Variants in GNS observed in about 807,000 individuals in gnomAD.
GNS encodes the protein glucosamine (N-acetyl)-6-sulfatase, also known as N-acetylglucosamine-6-sulfatase.
Under a neutral mutation model 69.7 loss-of-function variants are expected in GNS, and 40 were observed. That is an observed-to-expected ratio of 0.57 (90% CI 0.45 to 0.75). GNS has a LOEUF of 0.75. GNS is among the 30% of genes least tolerant of loss of function. The pLI is 0.00. For synonymous variants in GNS, 243 were observed against 251.6 expected, an observed-to-expected ratio of 0.97 and a Z score of 0.32; for missense variants, 565 against 685.5, an observed-to-expected ratio of 0.82 and a Z score of 1.96.
chr12:64,721,769 C>G (rs920169565), intron 11 of GNS, 64 bp from the exon 12 acceptor site: 2 of 875,034 alleles, frequency 2.3e-6, no homozygotes, highest in Non-Finnish European at 3.9e-6. Flanking sequence ...ACCTAGTTGC[C>G]TAGAAGGGCA....
intron 13 of GNS, 33 bp from the exon 14 acceptor site, chr12:64,716,852 C>G: frequency 7.9e-7 from 1 of 1,269,978 alleles, no homozygotes; most frequent in South Asian, 1.2e-5. Flanking sequence ...AACATTAGCT[C>G]TCACTAGCTT....
chr12:64,723,973 T>C (rs1226841159), intron 10 of GNS, among the ~76,000 whole-genome samples: 1 of 152,130 alleles, frequency 6.6e-6, no homozygotes. Flanking sequence ...GGCAGTGATT[T>C]AGAAAAGTCA....
intron 7 of GNS, 98 bp downstream of exon 7, chr12:64,740,508 T>C: frequency 2.6e-6 from 2 of 778,768 alleles, no homozygotes; most frequent in Non-Finnish European, 4.7e-6. Flanking sequence ...CCCTCTGTTT[T>C]TGTTTCAGAG....
intron 2 of GNS, among the ~76,000 whole-genome samples, chr12:64,749,873 A>ATTTTT: frequency 7.8e-6 from 1 of 127,800 alleles, no homozygotes; most frequent in Admixed American, 8.1e-5. Context: ...TGGTAGAGCA[A>ATTTTT]TTTTTTTTTT....
intron 9 of GNS, among the ~76,000 whole-genome samples, chr12:64,731,973 T>C (rs920313964): frequency 6.6e-6 from 1 of 151,952 alleles, no homozygotes; most frequent in African/African-American, 2.4e-5. Flanking sequence ...CAGAAAAAGC[T>C]TTGACAAGAC....
intron 2 of GNS, among the ~76,000 whole-genome samples, chr12:64,751,921 G>A (rs1338105063): frequency 6.9e-6 from 1 of 144,506 alleles, no homozygotes; most frequent in African/African-American, 2.6e-5. Flanking sequence ...CCCAGAGGCC[G>A]AGGTTGCAGT....
At chr12:64,757,121 A>G (rs1437163735) in intron 1 of GNS, among the ~76,000 whole-genome samples, 3 of 152,184 alleles carry the variant, frequency 2.0e-5, no homozygotes, top group Non-Finnish European at 4.4e-5. Context: ...CAAGGCTGCA[A>G]TGAGCCTTGA....
Position 64,759,144 on chromosome 12 carries a change from G to A in GNS, c.133C>T (p.Arg45Trp), listed in dbSNP as rs1870385540. Residue 45 changes from arginine to tryptophan, a missense_variant, in exon 1 of 14, where the codon CGG (arginine) becomes TGG (tryptophan). This residue lies in a region of GNS where 181 missense variants were observed against 174.4 expected (regional missense o/e 1.04). Coordinates refer to ENST00000258145, the MANE Select transcript of GNS (RefSeq NM_002076.4). Reference sequence around the variant, plus strand: ...AGGAGCAGCACCACGTTGGGCCTCCGGGTTCCCGCAGCCACCCCGAAGACC... The same window carrying A: ...AGGAGCAGCACCACGTTGGGCCTCCAGGTTCCCGCAGCCACCCCGAAGACC... ...LGVFGVAAGT[R>W]RPNVVLLLTD... 14 of 1,558,676 alleles carry A rather than the reference G, an allele frequency of 9.0e-6. No homozygotes were observed. The highest frequency in any genetic ancestry group is 4.1e-5 in the African/African-American group (3 of 73,800).
intron 6 of GNS, among the ~76,000 whole-genome samples, chr12:64,741,360 A>G (rs1869728601): frequency 1.3e-5 from 2 of 151,822 alleles, no homozygotes; most frequent in African/African-American, 4.8e-5. Context: ...ATCTCGGCTC[A>G]CTGCAACCTG....
chr12:64,719,263 C>G (rs1387103968), intron 13 of GNS, among the ~76,000 whole-genome samples: 1 of 152,178 alleles, frequency 6.6e-6, no homozygotes, highest in Non-Finnish European at 1.5e-5. Flanking sequence ...AACTTTCCAT[C>G]AACTTAGGAC....
At chr12:64,739,334 A>C in intron 8 of GNS, 47 bp downstream of exon 8, 1 of 946,492 alleles carries the variant, frequency 1.1e-6, no homozygotes, top group Non-Finnish European at 1.8e-6. Flanking sequence ...TGAAAAAGGA[A>C]AGACATATTC....
At chr12:64,753,921 A>T (rs1147093) in intron 1 of GNS, among the ~76,000 whole-genome samples, 2 of 152,016 alleles carry the variant, frequency 1.3e-5, no homozygotes, top group Non-Finnish European at 1.5e-5. Flanking sequence ...TCCTCAGGAA[A>T]AGAATACTGG....
chr12:64,759,268 G>A lies in GNS; in HGVS notation c.9C>T (p.Leu3=), dbSNP rs1479493439. The change falls in exon 1 of 14, where the codon CTC becomes CTT. Residue 3 remains leucine, a synonymous_variant. Coordinates refer to ENST00000258145, the MANE Select transcript of GNS (RefSeq NM_002076.4). MR[L]LPLAPGRLRR... is the part of the protein sequence containing the mutation. Reference sequence around the variant, plus strand: ...GGAGCCGACCTGGGGCTAGAGGCAGGAGCCGCATAGCGGACAGGCTCCGGG... The same window carrying A: ...GGAGCCGACCTGGGGCTAGAGGCAGAAGCCGCATAGCGGACAGGCTCCGGG... 5.9e-6 allele frequency: 9 copies of A among 1,524,612 alleles called. No individual in the cohort carries two copies. Among genetic ancestry groups the A allele is most frequent in the African/African-American group, 1.4e-5 (1 of 72,128 alleles). The allele number at this position is 1,524,612 out of a possible 1,614,324, so 94.4% of individuals were successfully genotyped here.
At chr12:64,718,788 G>GA (rs1592490454) in intron 13 of GNS, among the ~76,000 whole-genome samples, 1 of 152,218 alleles carries the variant, frequency 6.6e-6, no homozygotes, top group East Asian at 1.9e-4. Flanking sequence ...AACTGCTATC[G>GA]ACATCTAACT....
intron 8 of GNS, among the ~76,000 whole-genome samples, chr12:64,738,571 G>GGGA (rs1204236446): frequency 4.6e-5 from 7 of 152,044 alleles, no homozygotes; most frequent in African/African-American, 1.7e-4. Flanking sequence ...CTAGCACTTA[G>GGGA]GGAGGCTGAG....
intron 10 of GNS, among the ~76,000 whole-genome samples, chr12:64,727,843 T>G (rs565689495): frequency 1.3e-4 from 20 of 152,168 alleles, no homozygotes; most frequent in Non-Finnish European, 2.8e-4. Flanking sequence ...TTTAGGGTGA[T>G]GAAAATGCTC....
intron 2 of GNS, among the ~76,000 whole-genome samples, chr12:64,750,025 GCAC>G (rs1429171963): frequency 6.6e-6 from 1 of 151,838 alleles, no homozygotes; most frequent in African/African-American, 2.4e-5. Flanking sequence ...CCACAGACGT[GCAC>G]CACCATGCCT....
intron 11 of GNS, among the ~76,000 whole-genome samples, chr12:64,722,391 T>C (rs1324705737): frequency 6.6e-6 from 1 of 152,214 alleles, no homozygotes; most frequent in Non-Finnish European, 1.5e-5. Context: ...AAATGAGTTT[T>C]GTGGAGTCAT....
At chr12:64,740,923 C>A (rs1487533733) in intron 6 of GNS, among the ~76,000 whole-genome samples, 1 of 152,118 alleles carries the variant, frequency 6.6e-6, no homozygotes, top group Non-Finnish European at 1.5e-5. Context: ...CCTCCCAAAC[C>A]ATAAAAGGTC....
Sources: gnomAD v4.1 joint callset for allele counts (sites outside exome capture counted in the v4.1 genomes callset) on GRCh38, gnomAD v4.1.1 for gene constraint, gnomAD v4.1.1 regional missense constraint, MANE v1.5 for transcripts, NCBI Gene and HGNC (gene_info 2026-07-23, HGNC 2026-07-21) for gene names.